SLC16A12: variants seen among roughly 807,000 people sequenced by gnomAD.
The protein encoded by SLC16A12 is monocarboxylate transporter 12.
Under a neutral mutation model 42.4 loss-of-function variants are expected in SLC16A12, and 17 were observed. The ratio of observed to expected loss-of-function variants is 0.40; its 90% CI spans 0.27 to 0.60. The LOEUF (loss-of-function observed/expected upper bound fraction) is 0.60. Among genes scored for constraint, SLC16A12 ranks in the 20% least tolerant of loss-of-function variants. The pLI, the probability that SLC16A12 is intolerant of heterozygous loss-of-function variation, is 0.42. For synonymous variants in SLC16A12, 224 were observed against 229.4 expected (o/e 0.98, Z 0.21); for missense variants, 544 against 623.0 (o/e 0.87, Z 1.35).
intron 3 of SLC16A12, among the ~76,000 whole-genome samples, chr10:89,446,902 G>A (rs1232614554): frequency 6.6e-6 from 1 of 152,040 alleles, no homozygotes; most frequent in African/African-American, 2.4e-5. Flanking sequence ...AAAATAAAGG[G>A]ATGGAGGAAG....
Position 89,534,644 on chromosome 10 carries a change from C to CAAAAAAAAAAAAAAAAAAAAAAAAAAA in SLC16A12, c.-186-31_-186-5dup, listed in dbSNP as rs55935286. On this transcript the variant is annotated splice_region_variant and splice_polypyrimidine_tract_variant and intron_variant, in intron 1 of 7. Transcript: ENST00000371790. ...CCAATATGTCGAAATCCTGTATCTG[C>CAAAAAAAAAAAAAAAAAAAAAAAAAAA]AAAAAAAAAAAAAAAAAAAAAAAAA... 1 of 52,282 alleles carries CAAAAAAAAAAAAAAAAAAAAAAAAAAA rather than the reference C, an allele frequency of 1.9e-5. No homozygotes were observed. The highest frequency in any genetic ancestry group is 1.0e-4 in the African/African-American group (1 of 9,828). The allele number at this position is 52,282 out of a possible 1,614,324, so 3.2% of individuals were successfully genotyped here.
chr10:89,431,034 G>A lies in SLC16A12; in HGVS notation c.*2030C>T. 3.7e-6 allele frequency: 1 copy of A among 269,250 alleles called. No homozygotes were observed. The highest frequency in any genetic ancestry group is 3.7e-5 in the South Asian group (1 of 26,764). The allele number at this position is 269,250 out of a possible 1,614,324, so 16.7% of individuals were successfully genotyped here. On this transcript the variant is annotated 3_prime_UTR_variant, in exon 8 of 8. Transcript: ENST00000371790. ...TTTTTTTGAGATGGAGTCTTGCTCTGTCGCCCAGGGTGGAGTGCAGTGGCA... is the reference window on the plus strand; with the variant it reads ...TTTTTTTGAGATGGAGTCTTGCTCTATCGCCCAGGGTGGAGTGCAGTGGCA...
intron 3 of SLC16A12, among the ~76,000 whole-genome samples, chr10:89,457,727 T>C (rs1372146130): frequency 6.6e-6 from 1 of 152,196 alleles, no homozygotes; most frequent in African/African-American, 2.4e-5. Flanking sequence ...TAGCCAGAAT[T>C]TTCTGAACTA....
intron 2 of SLC16A12, among the ~76,000 whole-genome samples, chr10:89,541,316 A>G (rs1449940809): frequency 6.6e-6 from 1 of 152,086 alleles, no homozygotes; most frequent in Admixed American, 6.6e-5. Flanking sequence ...TGGATTGAGG[A>G]TGGGTATGGT....
In SLC16A12 at chr10:89,533,144, T is replaced by C. The variant is rs557832164; in HGVS notation, c.-47+1357A>G. On this transcript the variant is annotated intron_variant, in intron 2 of 7. Coordinates refer to ENST00000371790, the MANE Select transcript of SLC16A12 (RefSeq NM_213606.4). ...AGTAACTTCACCTGAATTTGTTTTTTTGTTGTTGTTGTTGTCGTTTTTAGT... is the reference window on the plus strand; with the variant it reads ...AGTAACTTCACCTGAATTTGTTTTTCTGTTGTTGTTGTTGTCGTTTTTAGT... 1.8e-4 allele frequency among the ~76,000 whole-genome samples: 26 copies of C among 145,366 alleles called. 1 individual carries two copies. In the South Asian group the frequency reaches 4.4e-3, roughly 25 times the overall value.
chr10:89,518,051 C>A (rs1265891620), intron 2 of SLC16A12, among the ~76,000 whole-genome samples: 1 of 152,124 alleles, frequency 6.6e-6, no homozygotes, highest in East Asian at 1.9e-4. Context: ...AATGATTTAC[C>A]AGCAGAACTA....
chr10:89,488,158 A>G (rs1255883750), intron 2 of SLC16A12, among the ~76,000 whole-genome samples: 2 of 151,922 alleles, frequency 1.3e-5, no homozygotes, highest in East Asian at 3.9e-4. Flanking sequence ...GATGGGACAC[A>G]CTAGAAGCCC....
chr10:89,508,287 C>T (rs1231918907), intron 2 of SLC16A12, among the ~76,000 whole-genome samples: 1 of 152,192 alleles, frequency 6.6e-6, no homozygotes, highest in Non-Finnish European at 1.5e-5. Context: ...CTTCTCAGCA[C>T]CACATCACAC....
intron 2 of SLC16A12, among the ~76,000 whole-genome samples, chr10:89,543,148 G>A (rs934667893): frequency 2.0e-5 from 3 of 152,190 alleles, no homozygotes; most frequent in African/African-American, 7.2e-5. Flanking sequence ...ATGGACAGAT[G>A]GATAGTTATA....
At chr10:89,538,459 T>C (rs1843693953), upstream of SLC16A12, among the ~76,000 whole-genome samples, 1 of 152,248 alleles carries the variant, frequency 6.6e-6, no homozygotes, top group Non-Finnish European at 1.5e-5. Context: ...AGTGCTTCAC[T>C]CCAAGATGTG....
intron 2 of SLC16A12, among the ~76,000 whole-genome samples, chr10:89,471,231 A>C (rs777309358): frequency 2.6e-5 from 4 of 152,196 alleles, no homozygotes; most frequent in Non-Finnish European, 5.9e-5. Flanking sequence ...TATCATCCCC[A>C]GACATTCCCT....
chr10:89,539,857 T>TTTTTTC (rs1554833986), upstream of SLC16A12, among the ~76,000 whole-genome samples: 8 of 127,858 alleles, frequency 6.3e-5, no homozygotes, highest in Admixed American at 5.6e-4. Flanking sequence ...AGAAACAAAT[T>TTTTTTC]TTTCTTTCTT....
chr10:89,500,453 G>A (rs1290502809), intron 2 of SLC16A12, among the ~76,000 whole-genome samples: 1 of 152,098 alleles, frequency 6.6e-6, no homozygotes, highest in African/African-American at 2.4e-5. Flanking sequence ...TGATCAAGTG[G>A]TTTTCATAGC....
chr10:89,477,852 G>A (rs1049993691), intron 2 of SLC16A12, among the ~76,000 whole-genome samples: 2 of 151,782 alleles, frequency 1.3e-5, no homozygotes, highest in Admixed American at 6.6e-5. Context: ...TTCTGAGACC[G>A]GCCCCTGCCC....
chr10:89,482,755 C>T (rs1387180773), intron 2 of SLC16A12, among the ~76,000 whole-genome samples: 2 of 150,806 alleles, frequency 1.3e-5, no homozygotes, highest in Non-Finnish European at 2.9e-5. Flanking sequence ...TGAACTACAG[C>T]CTGGGTGACA....
chr10:89,433,006 A>C lies in SLC16A12; in HGVS notation c.*58T>G, dbSNP rs1841716298. 1 of 1,596,884 alleles carries C rather than the reference A, an allele frequency of 6.3e-7. No individual in the cohort carries two copies. The highest frequency in any genetic ancestry group is 1.4e-5 in the African/African-American group (1 of 73,702). ...AAAATAAAAAGTTTCAGAAACATGA[A>C]GAATCTGGTGGCCCCACCTCTCTCA... On this transcript the variant is annotated 3_prime_UTR_variant, in exon 8 of 8. Transcript: ENST00000371790.
At chr10:89,539,869 C>A (rs1843701517), upstream of SLC16A12, among the ~76,000 whole-genome samples, 1 of 140,792 alleles carries the variant, frequency 7.1e-6, no homozygotes, top group Admixed American at 7.0e-5. Flanking sequence ...TTCTTTCTTT[C>A]TTTCTTTCTT....
At chr10:89,454,923 C>G (rs906839172) in intron 3 of SLC16A12, among the ~76,000 whole-genome samples, 1 of 152,012 alleles carries the variant, frequency 6.6e-6, no homozygotes, top group Non-Finnish European at 1.5e-5. Context: ...CTGTCATATA[C>G]TTGGTGTTCA....
At chr10:89,494,743 G>A (rs948877388) in intron 2 of SLC16A12, among the ~76,000 whole-genome samples, 6 of 152,156 alleles carry the variant, frequency 3.9e-5, no homozygotes, top group Non-Finnish European at 5.9e-5. Flanking sequence ...CCAAACTGCA[G>A]AATCCCAGAA....
Sources: gnomAD v4.1 joint callset for allele counts (sites outside exome capture counted in the v4.1 genomes callset) on GRCh38, gnomAD v4.1.1 for gene constraint, MANE v1.5 for transcripts, NCBI Gene and HGNC (gene_info 2026-07-23, HGNC 2026-07-21) for gene names.